Variants in VAPA observed in about 807,000 individuals in gnomAD.
The protein encoded by VAPA is vesicle-associated membrane protein-associated protein A.
A neutral mutation model predicts 25.6 loss-of-function variants in VAPA; 6 were observed. The ratio of observed to expected loss-of-function variants is 0.23; its 90% CI spans 0.13 to 0.46. VAPA has a LOEUF of 0.46. Among genes scored for constraint, VAPA ranks in the 20% least tolerant of loss-of-function variants. The probability of loss-of-function intolerance (pLI) is 0.99; values close to 1 mark genes in which losing one functional copy is unlikely to be tolerated. For missense variants in VAPA, 244 were observed against 302.1 expected (o/e 0.81, Z 1.43); for synonymous variants, 112 against 106.2 (o/e 1.05, Z -0.34).
chr18:9,930,996 T>C (rs1404606931), intron 1 of VAPA, among the ~76,000 whole-genome samples: 1 of 152,182 alleles, frequency 6.6e-6, no homozygotes, highest in African/African-American at 2.4e-5. Flanking sequence ...ATAATAGTTG[T>C]CTTTGATTCC....
intron 1 of VAPA, 59 bp from the exon 2 acceptor site, chr18:9,931,751 C>A: frequency 6.9e-7 from 1 of 1,441,100 alleles, no homozygotes; most frequent in Non-Finnish European, 9.4e-7. Flanking sequence ...AGTTTTGAAT[C>A]CTTCGTTGTT....
chr18:9,944,941 G>A, intron 4 of VAPA: 1 of 1,614,148 alleles, frequency 6.2e-7, no homozygotes, highest in Non-Finnish European at 8.5e-7. Context: ...CTCCACCAGG[G>A]AATGCTCCGA....
At chr18:9,929,185 G>A (rs2069228286) in intron 1 of VAPA, among the ~76,000 whole-genome samples, 2 of 152,042 alleles carry the variant, frequency 1.3e-5, no homozygotes, top group Admixed American at 1.3e-4. Context: ...TTGGAAAAGA[G>A]GTTTTTCACC....
intron 1 of VAPA, among the ~76,000 whole-genome samples, chr18:9,918,859 C>G (rs2069134094): frequency 6.6e-6 from 1 of 152,286 alleles, no homozygotes; most frequent in Non-Finnish European, 1.5e-5. Context: ...CAAAATATCT[C>G]AAAATTTTTA....
In VAPA at chr18:9,955,561, C is replaced by CTT. The variant is rs1389986145; in HGVS notation, c.*1356_*1357dup. ...ATTCTTAAACATAGGTGTGTTGGCT[C>CTT]TTTTTTTAAAAGATGCGCTCTACCT... On this transcript the variant is annotated 3_prime_UTR_variant, in exon 6 of 6. Coordinates refer to ENST00000400000, the MANE Select transcript of VAPA (RefSeq NM_194434.3). The CTT allele has an allele frequency of 6.6e-6, 1 of 152,012 alleles. No individual in the cohort carries two copies. Among genetic ancestry groups the CTT allele is most frequent in the Non-Finnish European group, 1.5e-5 (1 of 67,998 alleles). The allele number at this position is 152,012 out of a possible 1,614,324, so 9.4% of individuals were successfully genotyped here. A position where few individuals can be genotyped will look rare whatever the true frequency, so the allele number is the denominator to read the frequency against.
In VAPA at chr18:9,914,173, G is replaced by A. The variant is rs1388887989; in HGVS notation, c.-84G>A. The stretch of plus-strand genomic sequence containing the variant: ...GAGCCTGGCCTCGTCCTAGAGCTCG[G>A]CCGAGCCGTCGCCGCCGTCGTCCCC... On this transcript the variant is annotated 5_prime_UTR_variant, in exon 1 of 6. Transcript: ENST00000400000. 3.1e-6 allele frequency: 4 copies of A among 1,297,664 alleles called. 1 individual carries two copies. The South Asian group carries it at 4.1e-5, about 13-fold the overall frequency. 80.4% of individuals were successfully genotyped at this position (1,297,664 alleles called of 1,614,324 possible).
rs1734755208 is a variant in VAPA at position 9,914,211 on chromosome 18, G to A, written c.-46G>A. ...CGCCGTCGTCCCCCGCCCCCAGTCA[G>A]CAAACCGCCGCCGCGGGCGCGCCCC... On this transcript the variant is annotated 5_prime_UTR_variant, in exon 1 of 6. Coordinates refer to ENST00000400000, the MANE Select transcript of VAPA (RefSeq NM_194434.3). 1.3e-6 allele frequency: 2 copies of A among 1,536,682 alleles called. No homozygotes were observed. Among genetic ancestry groups the A allele is most frequent in the African/African-American group, 1.4e-5 (1 of 69,704 alleles).
intron 1 of VAPA, chr18:9,923,843 A>G (rs2143301891): frequency 6.6e-6 from 1 of 152,424 alleles, no homozygotes; most frequent in Non-Finnish European, 1.5e-5. Flanking sequence ...TACTATGGGT[A>G]CATGTTTAAA....
chr18:9,939,381 C>T (rs1454527991), intron 4 of VAPA, among the ~76,000 whole-genome samples: 1 of 152,086 alleles, frequency 6.6e-6, no homozygotes, highest in East Asian at 1.9e-4. Context: ...TCTCAAACTC[C>T]TGACCTCAGG....
chr18:9,935,398 C>T (rs749636260), intron 2 of VAPA, among the ~76,000 whole-genome samples: 6 of 152,070 alleles, frequency 3.9e-5, no homozygotes. Context: ...ATGACGAAAA[C>T]CCTTTCTCTA....
intron 2 of VAPA, 101 bp downstream of exon 2, chr18:9,932,063 T>C: frequency 1.2e-6 from 1 of 851,298 alleles, no homozygotes; most frequent in Non-Finnish European, 1.8e-6. Context: ...GAAATAATTC[T>C]TATATTATTC....
Position 9,958,618 on chromosome 18 carries a change from G to A in VAPA, c.*4407G>A, listed in dbSNP as rs1396736153. On this transcript the variant is annotated 3_prime_UTR_variant, in exon 6 of 6. Coordinates refer to ENST00000400000, the MANE Select transcript of VAPA (RefSeq NM_194434.3). ...TAGTTTTTTTCAAGCTCCAATCATC[G>A]GCCAGACAGTTGCTTTATGTAGGTT... 1 of 151,682 alleles carries A rather than the reference G, an allele frequency of 6.6e-6. No homozygotes were observed. Among genetic ancestry groups the A allele is most frequent in the African/African-American group, 2.4e-5 (1 of 41,214 alleles). The allele number at this position is 151,682 out of a possible 1,614,324, so 9.4% of individuals were successfully genotyped here.
At chr18:9,930,871 A>G (rs1205400932) in intron 1 of VAPA, among the ~76,000 whole-genome samples, 1 of 152,108 alleles carries the variant, frequency 6.6e-6, no homozygotes, top group Non-Finnish European at 1.5e-5. Flanking sequence ...AACTTTAAGC[A>G]TAGCATAAAA....
intron 4 of VAPA, among the ~76,000 whole-genome samples, chr18:9,938,525 T>A (rs1263824068): frequency 6.6e-6 from 1 of 152,226 alleles, no homozygotes; most frequent in Non-Finnish European, 1.5e-5. Flanking sequence ...GGGTCTGTTT[T>A]AGCGCTTGAA....
intron 5 of VAPA, among the ~76,000 whole-genome samples, chr18:9,951,756 G>GT (rs1761702825): frequency 6.6e-6 from 1 of 152,186 alleles, no homozygotes; most frequent in African/African-American, 2.4e-5. Context: ...TATTCCTTTT[G>GT]TTAGGTGTAT....
At chr18:9,946,024 T>C (rs2069419481) in intron 4 of VAPA, among the ~76,000 whole-genome samples, 1 of 152,218 alleles carries the variant, frequency 6.6e-6, no homozygotes, top group Non-Finnish European at 1.5e-5. Context: ...TTATGTCTTT[T>C]ATCTCCTTTG....
chr18:9,945,913 T>C (rs898570760), intron 4 of VAPA, among the ~76,000 whole-genome samples: 2 of 152,186 alleles, frequency 1.3e-5, no homozygotes, highest in Non-Finnish European at 2.9e-5. Flanking sequence ...TAATTTTGCC[T>C]CTCTCGGTTT....
rs369789572 is a variant in VAPA, at chr18:9,945,760, T to G, written c.418-4635T>G. ...AAAATTATCTAAATGTTTAATAATTTTTTGTTTTTGTGATTGGGAATTATT... is the reference window on the plus strand; with the variant it reads ...AAAATTATCTAAATGTTTAATAATTGTTTGTTTTTGTGATTGGGAATTATT... On this transcript the variant is annotated intron_variant, in intron 4 of 5. Transcript: ENST00000400000. Among the ~76,000 whole-genome samples, 20 of 152,310 alleles carry G rather than the reference T, an allele frequency of 1.3e-4. No individual in the cohort carries two copies. The East Asian group carries it at 1.4e-3, about 10-fold the overall frequency.
chr18:9,954,249 T>TC lies in VAPA; in HGVS notation c.*39dup, dbSNP rs151289099. The stretch of plus-strand genomic sequence containing the variant: ...AGAGTGCTGTTTCTTTTTTTTTTTT[T>TC]CTCTTGACCAGAAAAAGATTTGTTT... On this transcript the variant is annotated 3_prime_UTR_variant, in exon 6 of 6. Coordinates refer to ENST00000400000, the MANE Select transcript of VAPA (RefSeq NM_194434.3). 6.5e-6 allele frequency: 10 copies of TC among 1,529,022 alleles called. No homozygotes were observed. The highest frequency in any genetic ancestry group is 8.8e-6 in the Non-Finnish European group (10 of 1,132,522). 94.7% of individuals were successfully genotyped at this position (1,529,022 alleles called of 1,614,324 possible). A position where few individuals can be genotyped will look rare whatever the true frequency, so the allele number is the denominator to read the frequency against.
Sources: gnomAD v4.1 joint callset for allele counts (sites outside exome capture counted in the v4.1 genomes callset) on GRCh38, gnomAD v4.1.1 for gene constraint, MANE v1.5 for transcripts, NCBI Gene and HGNC (gene_info 2026-07-23, HGNC 2026-07-21) for gene names.